Variants in NBAS observed in about 807,000 individuals in gnomAD.
The protein encoded by NBAS is NBAS subunit of NRZ tethering complex, also known as NAG/BC035112 fusion.
NBAS carries 219 observed loss-of-function variants against 302.5 expected under a neutral mutation model. The ratio of observed to expected loss-of-function variants is 0.72; its 90% CI spans 0.65 to 0.81. The LOEUF (loss-of-function observed/expected upper bound fraction) is 0.81, where lower values mean the gene tolerates loss of function less well. Ranked by LOEUF, NBAS falls within the 30% of genes least tolerant of loss-of-function variation. NBAS has a pLI of 0.00. For missense variants in NBAS, 2,932 were observed against 2,841.6 expected (o/e 1.03, Z -0.72); for synonymous variants, 1,118 against 1,021.6 (o/e 1.09, Z -1.80).
the NBAS span, among the ~76,000 whole-genome samples, chr2:14,954,033 C>T: frequency 6.6e-6 from 1 of 152,298 alleles, no homozygotes; most frequent in East Asian, 1.9e-4. Context: ...CCCTACCCTG[C>T]TTCATTCTTA....
the NBAS span, among the ~76,000 whole-genome samples, chr2:14,905,067 G>A: frequency 2.0e-5 from 3 of 152,148 alleles, no homozygotes; most frequent in African/African-American, 7.2e-5. Context: ...AAGTAACTCT[G>A]AACAGTAGGT....
intron 44 of NBAS, among the ~76,000 whole-genome samples, chr2:15,249,139 G>A (rs962878495): frequency 1.4e-4 from 22 of 152,056 alleles, no homozygotes; most frequent in African/African-American, 5.3e-4. Context: ...CTTCATCCCG[G>A]GGATGCGAGG....
chr2:15,238,171 C>T (rs1191657967), intron 45 of NBAS, among the ~76,000 whole-genome samples: 1 of 152,148 alleles, frequency 6.6e-6, no homozygotes, highest in Non-Finnish European at 1.5e-5. Context: ...TCCCCTCACC[C>T]CAGGCAGCTA....
In NBAS at chr2:15,180,557, C is replaced by A. The variant is rs114577648; in HGVS notation, c.6712-1441G>T. Among the ~76,000 whole-genome samples the A allele has an allele frequency of 3.6e-3, 541 of 152,308 alleles. 4 individuals carry two copies. The highest frequency in any genetic ancestry group is 0.012 in the African/African-American group (495 of 41,548). On this transcript the variant is annotated intron_variant, in intron 50 of 51. Coordinates refer to ENST00000281513, the MANE Select transcript of NBAS (RefSeq NM_015909.4). ...GAGCATGGCACTCTGGCCTGGCTGG[C>A]CGCATCCTGTGGCCTCTTCCTCCTC...
chr2:15,333,771 A>T lies in NBAS; in HGVS notation c.4180-3006T>A, dbSNP rs561001693. Among the ~76,000 whole-genome samples, 316 of 151,656 alleles carry T rather than the reference A, an allele frequency of 2.1e-3. 5 individuals carry two copies. The highest frequency in any genetic ancestry group is 7.5e-3 in the African/African-American group (309 of 41,320). Reference sequence around the variant, plus strand: ...GGAGATCTGGGAGAAAGAAAAAAAAAAAATGGAAGGAAAGTCAGTAACAGA... The same window carrying T: ...GGAGATCTGGGAGAAAGAAAAAAAATAAATGGAAGGAAAGTCAGTAACAGA... On this transcript the variant is annotated intron_variant, in intron 35 of 51. Transcript: ENST00000281513.
At chr2:15,432,335 C>T (rs184834686) in intron 21 of NBAS, among the ~76,000 whole-genome samples, 2 of 149,942 alleles carry the variant, frequency 1.3e-5, no homozygotes, top group Non-Finnish European at 3.0e-5. Context: ...AAAATAATGG[C>T]TGCTTTTACT....
At chr2:15,550,694 C>G (rs950676147) in intron 6 of NBAS, among the ~76,000 whole-genome samples, 6 of 151,446 alleles carry the variant, frequency 4.0e-5, no homozygotes, top group African/African-American at 1.5e-4. Flanking sequence ...TCAAGTGATT[C>G]TCCTGCCTCG....
chr2:15,051,842 T>G, the NBAS span, among the ~76,000 whole-genome samples: 1 of 152,224 alleles, frequency 6.6e-6, no homozygotes, highest in African/African-American at 2.4e-5. Context: ...TGTGTCTTTT[T>G]TGCCTCTTGC....
rs56951040 is a variant in NBAS, at chr2:15,274,738, C to T, written c.5724+746G>A. Among the ~76,000 whole-genome samples, 595 of 152,054 alleles carry T rather than the reference C, an allele frequency of 3.9e-3. 7 individuals are homozygous for T. Among genetic ancestry groups the T allele is most frequent in the African/African-American group, 0.013 (557 of 41,478 alleles). ...AATTCTATCACCAAGATATATACTG[C>T]ATGATATGAATAACATCTTTTTTAT... On this transcript the variant is annotated intron_variant, in intron 44 of 51. Coordinates refer to ENST00000281513, the MANE Select transcript of NBAS (RefSeq NM_015909.4).
chr2:15,420,378 C>T (rs577591834), intron 23 of NBAS, among the ~76,000 whole-genome samples: 2 of 152,166 alleles, frequency 1.3e-5, no homozygotes, highest in South Asian at 4.2e-4. Flanking sequence ...CGGTGGGAGT[C>T]GCCAGGCTCT....
chr2:15,136,949 T>G, the NBAS span, among the ~76,000 whole-genome samples: 1 of 152,226 alleles, frequency 6.6e-6, no homozygotes, highest in Non-Finnish European at 1.5e-5. Flanking sequence ...CCCAGCCATG[T>G]GAAACTGTGA....
At chr2:15,464,881 C>A (rs915307302) in intron 19 of NBAS, among the ~76,000 whole-genome samples, 1 of 152,232 alleles carries the variant, frequency 6.6e-6, no homozygotes, top group Non-Finnish European at 1.5e-5. Flanking sequence ...ACTTACTCAA[C>A]AGCATGACAC....
chr2:15,184,176 T>G (rs1664960673), intron 50 of NBAS, among the ~76,000 whole-genome samples: 1 of 152,178 alleles, frequency 6.6e-6, no homozygotes, highest in Non-Finnish European at 1.5e-5. Flanking sequence ...TGTCTAGGAC[T>G]TATTCCCAGG....
the NBAS span, among the ~76,000 whole-genome samples, chr2:14,918,645 T>C: frequency 9.8e-5 from 15 of 152,338 alleles, no homozygotes; most frequent in Admixed American, 2.0e-4. Context: ...AGGGCCCAGA[T>C]TGACAAGTCT....
Position 15,467,327 on chromosome 2 carries a change from A to C in NBAS, c.2097+2T>G, listed in dbSNP as rs1166602220. 7 of 1,600,876 alleles carry C rather than the reference A, an allele frequency of 4.4e-6. No individual in the cohort carries two copies. The South Asian group carries it at 7.7e-5, about 18-fold the overall frequency. On this transcript the variant is annotated splice_donor_variant, in intron 19 of 51. Transcript: ENST00000281513. LOFTEE classifies it high-confidence loss of function. ...ATTGGTTTGACAAAAATTATTCATT[A>C]CCTCATATGTTGCAAGTCGATCTAA...
chr2:15,085,986 T>C, the NBAS span, among the ~76,000 whole-genome samples: 2 of 152,068 alleles, frequency 1.3e-5, no homozygotes, highest in East Asian at 1.9e-4. Context: ...AGGAGGCAGA[T>C]GGCTCCTGGA....
At chr2:15,270,024 T>C (rs975860010) in intron 44 of NBAS, among the ~76,000 whole-genome samples, 2 of 152,186 alleles carry the variant, frequency 1.3e-5, no homozygotes, top group African/African-American at 4.8e-5. Flanking sequence ...AATCCAGCTG[T>C]GTTCTATTAA....
At chr2:15,098,439 GTATATTGTATATTATATATTA>G in the NBAS span, among the ~76,000 whole-genome samples, 1 of 38,710 alleles carries the variant, frequency 2.6e-5, no homozygotes, top group Non-Finnish European at 4.5e-5. Context: ...ATTATATATT[GTATATTGTATATTATATATTA>G]TATATTGTAT....
chr2:15,353,780 A>G (rs1319075308), intron 33 of NBAS, 70 bp from the exon 34 acceptor site: 5 of 1,596,926 alleles, frequency 3.1e-6, no homozygotes, highest in African/African-American at 1.3e-5. Flanking sequence ...TGACAAATGC[A>G]ATGGCTTCCT....
Sources: gnomAD v4.1 joint callset for allele counts (sites outside exome capture counted in the v4.1 genomes callset) on GRCh38, gnomAD v4.1.1 for gene constraint, MANE v1.5 for transcripts, NCBI Gene and HGNC (gene_info 2026-07-23, HGNC 2026-07-21) for gene names.